The following ZNF475 variants were observed in gnomAD, a reference collection of about 807,000 sequenced individuals.
ZNF475 encodes the protein zinc finger protein 475.
At chr5:122,181,668 T>C in the ZNF475 span, among the ~76,000 whole-genome samples, 4 of 152,218 alleles carry the variant, frequency 2.6e-5, no homozygotes, top group South Asian at 6.2e-4. Flanking sequence ...CTAAGTAATA[T>C]GTTTTTGAGT....
chr5:122,175,070 C>G, the ZNF475 span, among the ~76,000 whole-genome samples: 3 of 152,038 alleles, frequency 2.0e-5, no homozygotes, highest in African/African-American at 7.2e-5. Flanking sequence ...TAAATGTAGA[C>G]AGTTTATTGG....
chr5:122,172,837 C>A, the ZNF475 span, among the ~76,000 whole-genome samples: 1 of 151,966 alleles, frequency 6.6e-6, no homozygotes, highest in African/African-American at 2.4e-5. Flanking sequence ...ATCGAGACCA[C>A]CCTGGCTATC....
At chr5:122,180,689 A>T in the ZNF475 span, among the ~76,000 whole-genome samples, 1 of 152,188 alleles carries the variant, frequency 6.6e-6, no homozygotes, top group Non-Finnish European at 1.5e-5. Flanking sequence ...TGCAATGCTG[A>T]AAAGTACCTT....
chr5:122,169,193 C>T, the ZNF475 span, among the ~76,000 whole-genome samples: 2 of 152,180 alleles, frequency 1.3e-5, no homozygotes, highest in African/African-American at 4.8e-5. Flanking sequence ...TGTTTAGCAG[C>T]TTGGCTGAGG....
chr5:122,178,699 G>T, the ZNF475 span, among the ~76,000 whole-genome samples: 1 of 152,108 alleles, frequency 6.6e-6, no homozygotes, highest in African/African-American at 2.4e-5. Flanking sequence ...TGTTCACTCT[G>T]ATGGTAGTTT....
the ZNF475 span, among the ~76,000 whole-genome samples, chr5:122,168,903 A>G: frequency 6.6e-6 from 1 of 152,102 alleles, no homozygotes; most frequent in East Asian, 1.9e-4. Context: ...TCCTTTTAGT[A>G]TTATTTGTCA....
At chr5:122,180,926 A>G in the ZNF475 span, among the ~76,000 whole-genome samples, 4 of 152,218 alleles carry the variant, frequency 2.6e-5, no homozygotes, top group Non-Finnish European at 4.4e-5. Flanking sequence ...TTTTCCATAA[A>G]CAGGTTGTTT....
the ZNF475 span, among the ~76,000 whole-genome samples, chr5:122,170,196 A>AT: frequency 1.6e-4 from 25 of 152,082 alleles, no homozygotes; most frequent in Non-Finnish European, 5.9e-5. Flanking sequence ...AAATGTGTGG[A>AT]TTTTTTCCCC....
At chr5:122,169,537 T>C in the ZNF475 span, among the ~76,000 whole-genome samples, 2 of 152,128 alleles carry the variant, frequency 1.3e-5, no homozygotes, top group African/African-American at 4.8e-5. Flanking sequence ...GGCTCAAAGA[T>C]GTGATTCATG....
chr5:122,165,799 A>T, the ZNF475 span, among the ~76,000 whole-genome samples: 1 of 152,202 alleles, frequency 6.6e-6, no homozygotes, highest in Non-Finnish European at 1.5e-5. Flanking sequence ...TCTGCATTTA[A>T]AAAAATATTT....
At chr5:122,163,930 A>G in the ZNF475 span, among the ~76,000 whole-genome samples, 1 of 151,244 alleles carries the variant, frequency 6.6e-6, no homozygotes. Context: ...GGAATCTTCA[A>G]TGTGACAATC....
At chr5:122,170,965 A>G in the ZNF475 span, among the ~76,000 whole-genome samples, 1 of 152,242 alleles carries the variant, frequency 6.6e-6, no homozygotes, top group Non-Finnish European at 1.5e-5. Flanking sequence ...CACTCAAGAA[A>G]TTACAAGGGT....
chr5:122,175,921 T>C, the ZNF475 span, among the ~76,000 whole-genome samples: 1 of 152,222 alleles, frequency 6.6e-6, no homozygotes, highest in African/African-American at 2.4e-5. Flanking sequence ...TTTGAAAGTG[T>C]ATTGTTCTCT....
the ZNF475 span, chr5:122,182,656 C>G: frequency 2.0e-6 from 3 of 1,527,428 alleles, no homozygotes; most frequent in Non-Finnish European, 2.6e-6. Context: ...CCTTTTCTCT[C>G]TACTGAAGTG....
the ZNF475 span, among the ~76,000 whole-genome samples, chr5:122,165,687 G>C: frequency 6.6e-6 from 1 of 151,614 alleles, no homozygotes; most frequent in Admixed American, 6.6e-5. Context: ...ATGAACACAG[G>C]GAATATGGCT....
At chr5:122,168,347 GT>G in the ZNF475 span, among the ~76,000 whole-genome samples, 47,248 of 152,134 alleles carry the variant, frequency 0.31, 11,194 homozygotes, top group African/African-American at 0.65. Context: ...CACATTCATG[GT>G]TTTTTTACTG....
chr5:122,165,688 G>A, the ZNF475 span, among the ~76,000 whole-genome samples: 2 of 151,162 alleles, frequency 1.3e-5, no homozygotes, highest in East Asian at 1.9e-4. Context: ...TGAACACAGG[G>A]AATATGGCTA....
the ZNF475 span, among the ~76,000 whole-genome samples, chr5:122,160,517 C>A: frequency 1.3e-5 from 2 of 152,252 alleles, no homozygotes; most frequent in East Asian, 3.9e-4. Context: ...TTATATATCA[C>A]ATATTGCTGG....
the ZNF475 span, among the ~76,000 whole-genome samples, chr5:122,167,099 A>G: frequency 3.8e-3 from 583 of 152,128 alleles, 10 homozygotes; most frequent in African/African-American, 0.013. Context: ...TAATTTTTGT[A>G]TAAGGTGTAA....
Sources: gnomAD v4.1 joint callset for allele counts (sites outside exome capture counted in the v4.1 genomes callset) on GRCh38, gnomAD v4.1.1 for gene constraint, MANE v1.5 for transcripts, NCBI Gene and HGNC (gene_info 2026-07-23, HGNC 2026-07-21) for gene names.